The following SAP30BP variants were observed in gnomAD, a reference collection of about 807,000 sequenced individuals.
SAP30BP encodes the protein SAP30-binding protein.
SAP30BP carries 31 observed loss-of-function variants against 46.3 expected under a neutral mutation model. That is an observed-to-expected ratio of 0.67 (90% CI 0.50 to 0.90). The LOEUF (loss-of-function observed/expected upper bound fraction) is 0.90. SAP30BP is among the 40% of genes least tolerant of loss of function. The pLI is 0.00. For synonymous variants in SAP30BP, 169 were observed against 144.2 expected, an observed-to-expected ratio of 1.17 and a Z score of -1.23; for missense variants, 312 against 391.0, an observed-to-expected ratio of 0.80 and a Z score of 1.70.
intron 5 of SAP30BP, 199 bp downstream of exon 5, chr17:75,700,070 G>A (rs772998303): frequency 1.7e-4 from 74 of 427,184 alleles, no homozygotes; most frequent in South Asian, 4.7e-4. Flanking sequence ...TACACCCACC[G>A]CCATGTCCCG....
chr17:75,705,832 G>T, intron 9 of SAP30BP, 176 bp from the exon 10 acceptor site: 2 of 1,084,014 alleles, frequency 1.8e-6, no homozygotes, highest in South Asian at 1.6e-5. Flanking sequence ...AGAGTGAAAA[G>T]CCCCTTTGGG....
At chr17:75,693,722 C>T (rs555373425) in intron 4 of SAP30BP, among the ~76,000 whole-genome samples, 2 of 152,294 alleles carry the variant, frequency 1.3e-5, no homozygotes, top group East Asian at 3.9e-4. Context: ...CGGTTGCCAG[C>T]GCTGTCAAGA....
At chr17:75,702,780 C>A (rs2060433235) in intron 6 of SAP30BP, 3 of 403,202 alleles carry the variant, frequency 7.4e-6, no homozygotes, top group Non-Finnish European at 1.4e-5. Flanking sequence ...CAAAGCAATT[C>A]ATACCGAGAC....
chr17:75,669,104 C>T (rs1304323056), intron 2 of SAP30BP, among the ~76,000 whole-genome samples: 5 of 151,272 alleles, frequency 3.3e-5, no homozygotes, highest in Non-Finnish European at 7.4e-5. Context: ...GATAGGGTCT[C>T]ACTCTGCTGT....
At chr17:75,683,639 G>A (rs979321563) in intron 3 of SAP30BP, 2 of 152,132 alleles carry the variant, frequency 1.3e-5, no homozygotes, top group African/African-American at 4.8e-5. Context: ...GCTTTACTTG[G>A]GTCAGAAGGA....
chr17:75,674,309 T>C (rs1299028507), intron 3 of SAP30BP, among the ~76,000 whole-genome samples: 1 of 152,126 alleles, frequency 6.6e-6, no homozygotes, highest in Non-Finnish European at 1.5e-5. Flanking sequence ...TTATTTATTT[T>C]TTTGAGACAG....
At chr17:75,703,706 G>C in intron 7 of SAP30BP, 102 bp from the exon 8 acceptor site, 1 of 1,063,776 alleles carries the variant, frequency 9.4e-7, no homozygotes. Context: ...CGAGCCCCGG[G>C]TAAGGGGACC....
chr17:75,705,824 A>C, intron 9 of SAP30BP, 184 bp from the exon 10 acceptor site: 1 of 1,075,590 alleles, frequency 9.3e-7, no homozygotes, highest in African/African-American at 1.6e-5. Flanking sequence ...TTCTTTTAAG[A>C]GTGAAAAGCC....
intron 3 of SAP30BP, among the ~76,000 whole-genome samples, chr17:75,690,448 G>A (rs966831274): frequency 1.3e-5 from 2 of 152,180 alleles, no homozygotes; most frequent in African/African-American, 2.4e-5. Flanking sequence ...GAGTGCAGTG[G>A]CATGATCATA....
At chr17:75,671,891 C>A in intron 3 of SAP30BP, 28 bp downstream of exon 3, 1 of 1,598,670 alleles carries the variant, frequency 6.3e-7, no homozygotes, top group Non-Finnish European at 8.6e-7. Flanking sequence ...TGGTGGGTGG[C>A]TGGATGCAAA....
At chr17:75,704,851 A>G in intron 9 of SAP30BP, 37 bp downstream of exon 9, 3 of 1,531,944 alleles carry the variant, frequency 2.0e-6, no homozygotes, top group East Asian at 2.2e-5. Flanking sequence ...AAAAAGGCAC[A>G]TGTGGAGTGC....
At chr17:75,692,559 T>G in intron 3 of SAP30BP, 3 of 969,006 alleles carry the variant, frequency 3.1e-6, no homozygotes, top group Non-Finnish European at 3.7e-6. Flanking sequence ...CTTGAGACAA[T>G]GGAGGCAAGG....
At position 75,699,830 on chromosome 17, in the gene SAP30BP, A is replaced by G. The variant is rs1242997035; in HGVS notation, c.355A>G (p.Ile119Val). ...VRNMSPDEIKIPPEPPGRCSN... is the reference protein window; with the variant it reads ...VRNMSPDEIKVPPEPPGRCSN... Reference sequence around the variant, plus strand: ...GAACATGTCGCCTGATGAAATCAAGATCCCGCCAGAACCCCCTGGCAGATG... The same window carrying G: ...GAACATGTCGCCTGATGAAATCAAGGTCCCGCCAGAACCCCCTGGCAGATG... The change falls in exon 5 of 11, where the codon ATC (isoleucine) becomes GTC (valine). Residue 119 changes from isoleucine (I) to valine (V), a missense_variant. By Grantham distance (29) the Ile-to-Val change is conservative. This residue lies in a region of SAP30BP where 296 missense variants were observed against 346.6 expected (regional missense o/e 0.85). Coordinates refer to ENST00000584667, the MANE Select transcript of SAP30BP (RefSeq NM_013260.8). 1 of 1,613,694 alleles carries G rather than the reference A, an allele frequency of 6.2e-7. No individual in the cohort carries two copies. Among genetic ancestry groups the G allele is most frequent in the South Asian group, 1.1e-5 (1 of 91,054 alleles).
At chr17:75,700,524 A>G (rs1363675120) in intron 5 of SAP30BP, among the ~76,000 whole-genome samples, 1 of 152,032 alleles carries the variant, frequency 6.6e-6, no homozygotes, top group Non-Finnish European at 1.5e-5. Flanking sequence ...CACCTGCTTC[A>G]CCTTTGATCC....
chr17:75,675,502 T>A (rs1018410768), intron 3 of SAP30BP, among the ~76,000 whole-genome samples: 4 of 152,210 alleles, frequency 2.6e-5, no homozygotes, highest in Non-Finnish European at 5.9e-5. Flanking sequence ...CTCAAAACAT[T>A]TAGGTTTCTT....
intron 3 of SAP30BP, among the ~76,000 whole-genome samples, chr17:75,674,697 GTTTTTTTTTTTT>G (rs66721865): frequency 8.1e-5 from 5 of 61,554 alleles, no homozygotes; most frequent in Middle Eastern, 0.011. Context: ...TTTGTTTTTT[GTTTTTTTTTTTT>G]TTTTTTTTTT....
chr17:75,671,980 A>G (rs2059914448), intron 3 of SAP30BP, 117 bp downstream of exon 3: 1 of 849,492 alleles, frequency 1.2e-6, no homozygotes, highest in African/African-American at 1.7e-5. Context: ...AACTGTGTGG[A>G]CATTTTCTGG....
At position 75,704,251 on chromosome 17, in the gene SAP30BP, T is replaced by C. The variant is rs185928610; in HGVS notation, c.601+392T>C. Among the ~76,000 whole-genome samples, 58 of 152,162 alleles carry C rather than the reference T, an allele frequency of 3.8e-4. 1 individual carries two copies. The East Asian group carries it at 9.5e-3, about 25-fold the overall frequency. Reference sequence around the variant, plus strand: ...TGTAGGCAGAATGTTCTGAGGCCAGTGAGAGGATGGCTTTTTCTTAAGATA... The same window carrying C: ...TGTAGGCAGAATGTTCTGAGGCCAGCGAGAGGATGGCTTTTTCTTAAGATA... On this transcript the variant is annotated intron_variant, in intron 8 of 10. Coordinates refer to ENST00000584667, the MANE Select transcript of SAP30BP (RefSeq NM_013260.8).
At chr17:75,694,617 G>A (rs189481353) in intron 4 of SAP30BP, among the ~76,000 whole-genome samples, 357 of 12,450 alleles carry the variant, frequency 0.029, no homozygotes, top group African/African-American at 0.049. Flanking sequence ...CTGGGAAGCC[G>A]ATGGCCGGCC....
Sources: allele counts gnomAD v4.1 joint callset (sites outside exome capture counted in the v4.1 genomes callset), GRCh38; gene constraint gnomAD v4.1.1; regional missense constraint gnomAD v4.1.1; transcripts MANE v1.5; gene names NCBI Gene and HGNC (gene_info 2026-07-23, HGNC 2026-07-21).